CYP7B1: variants seen among roughly 807,000 people sequenced by gnomAD.
CYP7B1 encodes the protein cytochrome P450 family 7 subfamily B member 1.
A neutral mutation model predicts 42.7 loss-of-function variants in CYP7B1; 29 were observed. The observed-to-expected ratio is 0.68, with a 90% CI of 0.51 to 0.93. The LOEUF is 0.93. Among genes scored for constraint, CYP7B1 ranks in the 40% least tolerant of loss-of-function variants. CYP7B1 has a pLI of 0.00. For synonymous variants in CYP7B1, 235 were observed against 218.2 expected, an observed-to-expected ratio of 1.08 and a Z score of -0.68; for missense variants, 655 against 600.5, an observed-to-expected ratio of 1.09 and a Z score of -0.95.
chr8:64,789,935 C>A (rs182558567), intron 1 of CYP7B1, among the ~76,000 whole-genome samples: 1 of 152,162 alleles, frequency 6.6e-6, no homozygotes, highest in African/African-American at 2.4e-5. Flanking sequence ...AGCCTCAGCA[C>A]CTGACATTTC....
rs1264667990 is a variant in CYP7B1 at position 64,593,277 on chromosome 8, GTGTGTGTGTA to G, written c.*3355_*3364del. 7.5e-6 allele frequency among the ~76,000 whole-genome samples: 1 copy of G among 133,114 alleles called. No homozygotes were observed. Among genetic ancestry groups the G allele is most frequent in the African/African-American group, 3.0e-5 (1 of 33,556 alleles). The allele number at this position is 133,114 out of a possible 152,430, so 87.3% of individuals were successfully genotyped here. A position where few individuals can be genotyped will look rare whatever the true frequency, so the allele number is the denominator to read the frequency against. ...TGTGTGTGTGTGTGTGTGTGTGTGT[GTGTGTGTGTA>G]ATCCAAGGCCTTTGCATAAAGCCAA... is the stretch of plus-strand genomic sequence containing the variant. On this transcript the variant is annotated 3_prime_UTR_variant, in exon 6 of 6. Coordinates refer to ENST00000310193, the MANE Select transcript of CYP7B1 (RefSeq NM_004820.5).
chr8:64,735,645 A>T (rs1463826491), intron 1 of CYP7B1, among the ~76,000 whole-genome samples: 1 of 152,176 alleles, frequency 6.6e-6, no homozygotes, highest in Non-Finnish European at 1.5e-5. Flanking sequence ...TTATCTTATT[A>T]ATCTGTCTTT....
At chr8:64,745,220 T>G (rs968211510) in intron 1 of CYP7B1, among the ~76,000 whole-genome samples, 4 of 148,174 alleles carry the variant, frequency 2.7e-5, no homozygotes, top group African/African-American at 7.9e-5. Flanking sequence ...TAATGTTCAT[T>G]TTGTATGCTT....
chr8:64,795,180 A>G (rs1027398486), intron 1 of CYP7B1, among the ~76,000 whole-genome samples: 2 of 152,260 alleles, frequency 1.3e-5, no homozygotes, highest in Non-Finnish European at 2.9e-5. Context: ...CAACAACATG[A>G]GTGAATCTTA....
At chr8:64,778,022 T>C (rs1804355679) in intron 1 of CYP7B1, among the ~76,000 whole-genome samples, 2 of 151,732 alleles carry the variant, frequency 1.3e-5, no homozygotes, top group Admixed American at 1.3e-4. Context: ...TGCAAGTACA[T>C]CAGAGTCATA....
intron 1 of CYP7B1, among the ~76,000 whole-genome samples, chr8:64,709,201 T>C (rs1043438734): frequency 2.0e-5 from 3 of 152,174 alleles, no homozygotes; most frequent in Non-Finnish European, 2.9e-5. Context: ...CTTCCTTGTA[T>C]AGTGAGGAAG....
At chr8:64,690,797 G>A (rs925103290) in intron 1 of CYP7B1, among the ~76,000 whole-genome samples, 3 of 152,200 alleles carry the variant, frequency 2.0e-5, no homozygotes, top group African/African-American at 7.2e-5. Flanking sequence ...TGTTCACTCT[G>A]CTGTGGGATG....
At chr8:64,791,530 G>A (rs188906381) in intron 1 of CYP7B1, among the ~76,000 whole-genome samples, 207 of 152,248 alleles carry the variant, frequency 1.4e-3, no homozygotes, top group Middle Eastern at 6.8e-3. Context: ...TTTTGAAAAC[G>A]GGGGAAGGGC....
chr8:64,632,199 A>C (rs924349042), intron 1 of CYP7B1, among the ~76,000 whole-genome samples: 1 of 152,210 alleles, frequency 6.6e-6, no homozygotes, highest in African/African-American at 2.4e-5. Flanking sequence ...TGAATGGATA[A>C]GGAAAATTTG....
chr8:64,669,786 T>C (rs1346005470), intron 1 of CYP7B1, among the ~76,000 whole-genome samples: 2 of 152,078 alleles, frequency 1.3e-5, no homozygotes, highest in Non-Finnish European at 2.9e-5. Context: ...AGGTTTCTTA[T>C]GTAATCATTA....
intron 1 of CYP7B1, among the ~76,000 whole-genome samples, chr8:64,678,765 T>C (rs1355573271): frequency 6.6e-6 from 1 of 152,146 alleles, no homozygotes. Context: ...CACAGGTAGC[T>C]GATGTTTCAG....
chr8:64,630,668 C>T (rs1163128240), intron 1 of CYP7B1, among the ~76,000 whole-genome samples: 2 of 152,140 alleles, frequency 1.3e-5, no homozygotes, highest in Non-Finnish European at 1.5e-5. Flanking sequence ...TGCCAAATGC[C>T]CAGATAAACA....
At chr8:64,728,122 C>T (rs536561589) in intron 1 of CYP7B1, 2 of 152,336 alleles carry the variant, frequency 1.3e-5, no homozygotes, top group African/African-American at 4.8e-5. Context: ...GGAACTGTCT[C>T]TGCACATAAA....
chr8:64,645,365 A>G (rs1805934564), intron 1 of CYP7B1, among the ~76,000 whole-genome samples: 1 of 152,114 alleles, frequency 6.6e-6, no homozygotes, highest in South Asian at 2.1e-4. Context: ...GAACTAGTTT[A>G]CAGTCCAACC....
chr8:64,601,253 G>T (rs921612769), intron 5 of CYP7B1, among the ~76,000 whole-genome samples: 4 of 152,122 alleles, frequency 2.6e-5, no homozygotes, highest in Non-Finnish European at 5.9e-5. Context: ...AAACAAACAA[G>T]ATCTTCCATC....
chr8:64,609,214 C>T (rs1285145805), intron 4 of CYP7B1, among the ~76,000 whole-genome samples: 1 of 152,060 alleles, frequency 6.6e-6, no homozygotes, highest in Non-Finnish European at 1.5e-5. Flanking sequence ...TTTGGAAATA[C>T]GCACACATTC....
chr8:64,774,881 G>GT (rs550548975), intron 1 of CYP7B1, among the ~76,000 whole-genome samples: 164 of 152,252 alleles, frequency 1.1e-3, no homozygotes, highest in African/African-American at 3.7e-3. Context: ...CTCACCTCAA[G>GT]TAAGTAAGGG....
chr8:64,778,642 G>T (rs1804366485), intron 1 of CYP7B1, among the ~76,000 whole-genome samples: 1 of 152,078 alleles, frequency 6.6e-6, no homozygotes, highest in African/African-American at 2.4e-5. Context: ...TTCCCAGGGG[G>T]TGAAAATATC....
intron 1 of CYP7B1, among the ~76,000 whole-genome samples, chr8:64,681,679 C>T (rs1439373146): frequency 6.6e-6 from 1 of 152,126 alleles, no homozygotes; most frequent in Non-Finnish European, 1.5e-5. Context: ...GGAACAGAGG[C>T]CTGCTAGCAA....
Sources: allele counts gnomAD v4.1 joint callset (sites outside exome capture counted in the v4.1 genomes callset), GRCh38; gene constraint gnomAD v4.1.1; transcripts MANE v1.5; gene names NCBI Gene and HGNC (gene_info 2026-07-23, HGNC 2026-07-21).